CDC7: variants seen among roughly 807,000 people sequenced by gnomAD.
CDC7 encodes cell division cycle 7-related protein kinase.
Under a neutral mutation model 53.5 loss-of-function variants are expected in CDC7, and 34 were observed. That is an observed-to-expected ratio of 0.64 (90% CI 0.48 to 0.85). CDC7 has a LOEUF of 0.85. Ranked by LOEUF, CDC7 falls within the 40% of genes least tolerant of loss-of-function variation. The pLI is 0.00. For missense variants in CDC7, 594 were observed against 679.7 expected (o/e 0.87, Z 1.40); for synonymous variants, 211 against 222.8 (o/e 0.95, Z 0.47).
intron 10 of CDC7, among the ~76,000 whole-genome samples, chr1:91,516,609 A>G (rs1253486410): frequency 2.0e-5 from 3 of 152,182 alleles, no homozygotes; most frequent in Non-Finnish European, 2.9e-5. Flanking sequence ...TGGTAATAAA[A>G]CTTATTCAGG....
At position 91,508,320 on chromosome 1, in the gene CDC7, A is replaced by G; in HGVS notation, c.258A>G (p.Lys86=). Residue 86 remains lysine, a synonymous_variant, in exon 4 of 12, where the codon AAA becomes AAG. Coordinates refer to ENST00000234626, the MANE Select transcript of CDC7 (RefSeq NM_003503.4). The part of the protein sequence containing the change: ...TAQLQVGPEE[K]IALKHLIPTS... ...AGTTACAAGTAGGACCTGAAGAGAAAATTGCTCTAAAACACTTGATTCCAA... is the reference window on the plus strand; with the variant it reads ...AGTTACAAGTAGGACCTGAAGAGAAGATTGCTCTAAAACACTTGATTCCAA... The G allele has an allele frequency of 6.2e-7, 1 of 1,612,498 alleles. No homozygotes were observed. Among genetic ancestry groups the G allele is most frequent in the Non-Finnish European group, 8.5e-7 (1 of 1,178,988 alleles).
rs966431314 is a variant in CDC7 at position 91,514,984 on chromosome 1, A to G, written c.1084A>G (p.Ile362Val). 3.1e-6 allele frequency: 5 copies of G among 1,608,152 alleles called. No individual in the cohort carries two copies. Among genetic ancestry groups the G allele is most frequent in the Non-Finnish European group, 4.2e-6 (5 of 1,178,378 alleles). ...CTATGCAACAGATAAAGTTTGTAGT[A>G]TTTGCCTTTCAAGGTAATGTGTTTT... ...DCYATDKVCS[I>V]CLSRRQQVAP... Residue 362 changes from isoleucine (I) to valine (V), a missense_variant, in exon 9 of 12, where the codon ATT becomes GTT. Coordinates refer to ENST00000234626, the MANE Select transcript of CDC7 (RefSeq NM_003503.4).
rs1666687084 is a variant in CDC7 at position 91,501,663 on chromosome 1, T to TC, written c.-49dup. 1 of 1,241,652 alleles carries TC rather than the reference T, an allele frequency of 8.1e-7. No individual in the cohort carries two copies. Among genetic ancestry groups the TC allele is most frequent in the South Asian group, 1.2e-5 (1 of 81,568 alleles). 76.9% of individuals were successfully genotyped at this position (1,241,652 alleles called of 1,614,324 possible). Reference sequence around the variant, plus strand: ...GTTCTAATTTTCACAGCTGCTTTGCTCCCCCTGTGGATGTAACCCCTTAGC... The same window carrying TC: ...GTTCTAATTTTCACAGCTGCTTTGCTCCCCCCTGTGGATGTAACCCCTTAGC... On this transcript the variant is annotated 5_prime_UTR_variant, in exon 2 of 12. Coordinates refer to ENST00000234626, the MANE Select transcript of CDC7 (RefSeq NM_003503.4).
At chr1:91,512,068 C>A in intron 6 of CDC7, 145 bp downstream of exon 6, 4 of 626,756 alleles carry the variant, frequency 6.4e-6, no homozygotes, top group South Asian at 8.0e-5. Context: ...AGTTACCCAT[C>A]TTATTTTTGT....
intron 11 of CDC7, 113 bp downstream of exon 11, chr1:91,520,392 A>G: frequency 4.7e-6 from 4 of 857,962 alleles, no homozygotes; most frequent in Non-Finnish European, 6.8e-6. Context: ...GTCTTGATAA[A>G]GTTCTCTAAT....
Position 91,524,261 on chromosome 1 carries a change from T to C in CDC7, c.1551T>C (p.Asp517=). The change falls in exon 12 of 12, where the codon GAT becomes GAC. Residue 517 remains aspartate (D), a synonymous_variant. Coordinates refer to ENST00000234626, the MANE Select transcript of CDC7 (RefSeq NM_003503.4). ...QYSGNSFKKG[D]SNSCEHCFDE... The stretch of plus-strand genomic sequence containing the variant: ...CAGGGAATTCATTTAAAAAGGGGGA[T>C]AGTAATAGCTGTGAGCATTGTTTTG... 1.9e-6 allele frequency: 3 copies of C among 1,613,984 alleles called. No individual in the cohort carries two copies. Among genetic ancestry groups the C allele is most frequent in the Non-Finnish European group, 2.5e-6 (3 of 1,179,894 alleles).
At chr1:91,505,065 G>A (rs1006977072) in intron 2 of CDC7, among the ~76,000 whole-genome samples, 3 of 152,172 alleles carry the variant, frequency 2.0e-5, no homozygotes, top group Admixed American at 1.3e-4. Flanking sequence ...TAGTGAGTAT[G>A]GTTGCTCATA....
At chr1:91,501,394 A>G (rs973402954) in intron 1 of CDC7, 4 of 274,878 alleles carry the variant, frequency 1.5e-5, no homozygotes, top group African/African-American at 8.7e-5. Context: ...CCGGACTGGC[A>G]GCCTCGCCGT....
In CDC7 at chr1:91,511,910, AGGC is replaced by A; in HGVS notation, c.561_563del (p.Arg187_Arg188delinsSer). On this transcript the variant is annotated inframe_deletion, in exon 6 of 12. Transcript: ENST00000234626. ...TAAGCCCAGCAATTTTTTATATAAT[AGGC>A]GCCTGAAAAAGTAAGTATGAAGAGT... is the stretch of plus-strand genomic sequence containing the variant. 6.3e-7 allele frequency: 1 copy of A among 1,581,732 alleles called. No individual in the cohort carries two copies. The highest frequency in any genetic ancestry group is 8.6e-7 in the Non-Finnish European group (1 of 1,158,474).
intron 8 of CDC7, 142 bp downstream of exon 8, chr1:91,514,185 A>T: frequency 2.0e-6 from 1 of 502,982 alleles, no homozygotes; most frequent in South Asian, 2.8e-5. Flanking sequence ...TGCTTTAAGC[A>T]TTTAGTCAAA....
At chr1:91,501,961 A>C in intron 2 of CDC7, 130 bp downstream of exon 2, 1 of 694,232 alleles carries the variant, frequency 1.4e-6, no homozygotes, top group East Asian at 2.7e-5. Context: ...GGACAGTGTT[A>C]AAACAGAGCT....
intron 10 of CDC7, among the ~76,000 whole-genome samples, chr1:91,518,083 G>T (rs1667666550): frequency 1.6e-5 from 1 of 64,306 alleles, no homozygotes; most frequent in Non-Finnish European, 2.7e-5. Flanking sequence ...AACAGAGTGA[G>T]ACTCAGTCTC....
chr1:91,508,659 A>C (rs937129695), intron 4 of CDC7, among the ~76,000 whole-genome samples: 26 of 152,240 alleles, frequency 1.7e-4, no homozygotes, highest in African/African-American at 6.0e-4. Context: ...CCAAATCATA[A>C]ACCTTGGCTT....
intron 6 of CDC7, 74 bp from the exon 7 acceptor site, chr1:91,512,984 G>T: frequency 8.4e-7 from 1 of 1,193,424 alleles, no homozygotes; most frequent in Non-Finnish European, 1.2e-6. Flanking sequence ...TTATGAGGAT[G>T]GTTTGAGAGT....
At chr1:91,504,105 CTTTTT>C (rs1216657728) in intron 2 of CDC7, among the ~76,000 whole-genome samples, 16 of 135,052 alleles carry the variant, frequency 1.2e-4, no homozygotes, top group Non-Finnish European at 2.3e-4. Flanking sequence ...TTTTGGCAAG[CTTTTT>C]TTTTTTTTTT....
At chr1:91,506,108 A>G (rs1255906446) in intron 2 of CDC7, among the ~76,000 whole-genome samples, 1 of 152,138 alleles carries the variant, frequency 6.6e-6, no homozygotes, top group African/African-American at 2.4e-5. Context: ...CCTGGGCTCA[A>G]GGTATCCTTC....
At chr1:91,502,785 AAC>A (rs1020772129) in intron 2 of CDC7, among the ~76,000 whole-genome samples, 7 of 152,092 alleles carry the variant, frequency 4.6e-5, no homozygotes, top group Non-Finnish European at 5.9e-5. Flanking sequence ...CCTGATTTAC[AAC>A]AGTTTCTCAC....
rs1173260152 is a variant in CDC7 at position 91,524,292 on chromosome 1, T to C, written c.1582T>C (p.Tyr528His). ...TAGCTGTGAGCATTGTTTTGATGAG[T>C]ATAATACCAATTTAGAAGGCTGGAA... Reference protein sequence around the residue: ...SNSCEHCFDEYNTNLEGWNEV... With the variant: ...SNSCEHCFDEHNTNLEGWNEV... The change falls in exon 12 of 12, where the codon TAT (tyrosine) becomes CAT (histidine). Residue 528 changes from tyrosine (Y) to histidine (H), a missense_variant. Tyr to His is a moderately conservative substitution (Grantham distance 83, BLOSUM62 2). Transcript: ENST00000234626. The C allele has an allele frequency of 9.9e-6, 16 of 1,613,912 alleles. No individual in the cohort carries two copies. The highest frequency in any genetic ancestry group is 1.4e-5 in the Non-Finnish European group (16 of 1,179,966).
chr1:91,504,308 T>C (rs1173859223), intron 2 of CDC7, among the ~76,000 whole-genome samples: 1 of 152,154 alleles, frequency 6.6e-6, no homozygotes, highest in Non-Finnish European at 1.5e-5. Context: ...GATCTTGCTA[T>C]GTTGCCCAGG....
Sources: gnomAD v4.1 joint callset for allele counts (sites outside exome capture counted in the v4.1 genomes callset) on GRCh38, gnomAD v4.1.1 for gene constraint, MANE v1.5 for transcripts, NCBI Gene and HGNC (gene_info 2026-07-23, HGNC 2026-07-21) for gene names.